The following FBXO21 variants were observed in gnomAD, a reference collection of about 807,000 sequenced individuals.
FBXO21 encodes the protein F-box only protein 21.
Under a neutral mutation model 76.6 loss-of-function variants are expected in FBXO21, and 32 were observed. The ratio of observed to expected loss-of-function variants is 0.42; its 90% CI spans 0.32 to 0.56. The LOEUF is 0.56. Among genes scored for constraint, FBXO21 ranks in the 20% least tolerant of loss-of-function variants. The pLI is 0.16. For synonymous variants in FBXO21, 328 were observed against 311.5 expected (o/e 1.05, Z -0.56); for missense variants, 586 against 797.3 (o/e 0.73, Z 3.19).
chr12:117,184,617 G>A (rs954632782), intron 3 of FBXO21, among the ~76,000 whole-genome samples: 2 of 152,288 alleles, frequency 1.3e-5, no homozygotes, highest in Admixed American at 6.5e-5. Context: ...GCTGGGTGTG[G>A]TGGTGGGCAC....
At chr12:117,147,535 T>G (rs1021804412) in intron 11 of FBXO21, among the ~76,000 whole-genome samples, 1 of 142,244 alleles carries the variant, frequency 7.0e-6, no homozygotes. Context: ...GAGGCGGAGG[T>G]TGCAGTGAGC....
chr12:117,163,104 C>G lies in FBXO21; in HGVS notation c.1326+2381G>C, dbSNP rs74807790. On this transcript the variant is annotated intron_variant, in intron 9 of 11. Transcript: ENST00000622495. ...CATGCGCTGGCAATGAGCCACTTTT[C>G]TCCCCTAATCTCTGAATGAGGGGTC... 0.01 allele frequency among the ~76,000 whole-genome samples: 1,572 copies of G among 152,330 alleles called. 137 individuals are homozygous for G. The East Asian group carries it at 0.24, about 23-fold the overall frequency.
chr12:117,174,065 AGTTTGAGGTTGCGGT>A, intron 6 of FBXO21, 125 bp downstream of exon 6: 1 of 670,714 alleles, frequency 1.5e-6, no homozygotes, highest in Non-Finnish European at 2.6e-6. Context: ...TGAGCCCAGG[AGTTTGAGGTTGCGGT>A]AAGCTATGAT....
At chr12:117,157,694 C>T (rs1341465107) in intron 10 of FBXO21, among the ~76,000 whole-genome samples, 179 bp downstream of exon 10, 1 of 151,420 alleles carries the variant, frequency 6.6e-6, no homozygotes, top group African/African-American at 2.4e-5. Flanking sequence ...GTCAAAGACA[C>T]GGTTCAAAAA....
chr12:117,161,578 G>C (rs1417184461), intron 9 of FBXO21, among the ~76,000 whole-genome samples: 1 of 152,200 alleles, frequency 6.6e-6, no homozygotes, highest in Non-Finnish European at 1.5e-5. Flanking sequence ...CCAGGGCACT[G>C]CTTCGGGCTG....
In FBXO21 at chr12:117,143,483, C is replaced by G. The variant is rs934808245; in HGVS notation, c.*2604G>C. The G allele has an allele frequency of 2.6e-5, 4 of 152,224 alleles. No individual in the cohort carries two copies. Among genetic ancestry groups the G allele is most frequent in the Admixed American group, 1.3e-4 (2 of 15,290 alleles). 9.4% of individuals were successfully genotyped at this position (152,224 alleles called of 1,614,324 possible). A position where few individuals can be genotyped will look rare whatever the true frequency, so the allele number is the denominator to read the frequency against. Reference sequence around the variant, plus strand: ...AACGGCAACAGAACGCACGAAGAACCTGGTTTTCTTTCAAAGCATGAGCAG... The same window carrying G: ...AACGGCAACAGAACGCACGAAGAACGTGGTTTTCTTTCAAAGCATGAGCAG... On this transcript the variant is annotated 3_prime_UTR_variant, in exon 12 of 12. Transcript: ENST00000622495.
At chr12:117,148,245 G>A (rs962044190) in intron 11 of FBXO21, among the ~76,000 whole-genome samples, 9 of 152,200 alleles carry the variant, frequency 5.9e-5, no homozygotes, top group African/African-American at 2.2e-4. Flanking sequence ...TGTGACCAGG[G>A]ACAGAACTGC....
chr12:117,156,018 C>T, intron 10 of FBXO21, 70 bp from the exon 11 acceptor site: 2 of 1,464,634 alleles, frequency 1.4e-6, no homozygotes, highest in Non-Finnish European at 1.9e-6. Context: ...AACCGCGTGG[C>T]TTCTCAGCTC....
chr12:117,184,908 C>A (rs1368975900), intron 3 of FBXO21, among the ~76,000 whole-genome samples: 1 of 152,068 alleles, frequency 6.6e-6, no homozygotes, highest in Admixed American at 6.6e-5. Flanking sequence ...ATTATGTGAT[C>A]CCAATTTTGT....
chr12:117,164,625 A>G (rs1391592322), intron 9 of FBXO21, among the ~76,000 whole-genome samples: 3 of 152,106 alleles, frequency 2.0e-5, no homozygotes, highest in African/African-American at 7.2e-5. Flanking sequence ...CTGATGCATC[A>G]TTTCTTAGAA....
chr12:117,177,012 A>G (rs1956182399), intron 4 of FBXO21, among the ~76,000 whole-genome samples: 2 of 152,222 alleles, frequency 1.3e-5, no homozygotes, highest in Admixed American at 1.3e-4. Context: ...TCAACTTAAT[A>G]AGAACAAAAA....
At position 117,142,886 on chromosome 12, in the gene FBXO21, T is replaced by C. The variant is rs1429375276; in HGVS notation, c.*3201A>G. On this transcript the variant is annotated 3_prime_UTR_variant, in exon 12 of 12. Coordinates refer to ENST00000622495, the MANE Select transcript of FBXO21 (RefSeq NM_015002.3). ...GCTCAGTTTTCTCCGTGGGGAAAGATCGGAACACTTACAAATGAGAACGGG... is the reference window on the plus strand; with the variant it reads ...GCTCAGTTTTCTCCGTGGGGAAAGACCGGAACACTTACAAATGAGAACGGG... The C allele has an allele frequency of 6.6e-6, 1 of 152,064 alleles. No individual in the cohort carries two copies. The highest frequency in any genetic ancestry group is 1.5e-5 in the Non-Finnish European group (1 of 68,018). 9.4% of individuals were successfully genotyped at this position (152,064 alleles called of 1,614,324 possible).
intron 11 of FBXO21, among the ~76,000 whole-genome samples, chr12:117,147,085 T>C (rs1440386204): frequency 6.7e-6 from 1 of 150,152 alleles, no homozygotes; most frequent in African/African-American, 2.5e-5. Flanking sequence ...CTACTAAAAA[T>C]ACAAAAACTA....
At position 117,166,890 on chromosome 12, in the gene FBXO21, A is replaced by C. The variant is rs749418213; in HGVS notation, c.1193+8T>G. 9 of 1,613,474 alleles carry C rather than the reference A, an allele frequency of 5.6e-6. No individual in the cohort carries two copies. Among genetic ancestry groups the C allele is most frequent in the Non-Finnish European group, 7.6e-6 (9 of 1,179,472 alleles). On this transcript the variant is annotated splice_region_variant and intron_variant, in intron 8 of 11. Coordinates refer to ENST00000622495, the MANE Select transcript of FBXO21 (RefSeq NM_015002.3). ...TGCAGAAGTACTAGAAAACCAAGAA[A>C]ACCTTACCGCTTCCCCAGGCTTAAC...
intron 9 of FBXO21, among the ~76,000 whole-genome samples, chr12:117,164,835 G>C (rs1457669675): frequency 6.6e-6 from 1 of 152,296 alleles, no homozygotes; most frequent in East Asian, 1.9e-4. Flanking sequence ...CATATTTCCA[G>C]AGAAGGGCCA....
chr12:117,146,296 A>G lies in FBXO21; in HGVS notation c.1676-19T>C. On this transcript the variant is annotated intron_variant, in intron 11 of 11. Coordinates refer to ENST00000622495, the MANE Select transcript of FBXO21 (RefSeq NM_015002.3). The stretch of plus-strand genomic sequence containing the variant: ...AAGTTTTCTGTTGGTAAAGAGGCAC[A>G]CGGGCATTCTCATTACAATGTCCAT... The G allele has an allele frequency of 6.3e-7, 1 of 1,585,776 alleles. No individual in the cohort carries two copies. Among genetic ancestry groups the G allele is most frequent in the Non-Finnish European group, 8.6e-7 (1 of 1,165,384 alleles).
chr12:117,187,196 G>A (rs954042252), intron 2 of FBXO21, among the ~76,000 whole-genome samples: 6 of 149,566 alleles, frequency 4.0e-5, no homozygotes, highest in Admixed American at 2.0e-4. Context: ...TGAGGTGGGC[G>A]GATCACCTGA....
intron 7 of FBXO21, among the ~76,000 whole-genome samples, chr12:117,168,551 A>T (rs182993440): frequency 4.8e-4 from 73 of 152,112 alleles, no homozygotes; most frequent in Non-Finnish European, 1.3e-4. Context: ...TAAAATAAAT[A>T]AACCTATGAG....
At position 117,190,438 on chromosome 12, in the gene FBXO21, C is replaced by A. The variant is rs934834406; in HGVS notation, c.19G>T (p.Asp7Tyr). 2 of 1,394,974 alleles carry A rather than the reference C, an allele frequency of 1.4e-6. No individual in the cohort carries two copies. The highest frequency in any genetic ancestry group is 1.3e-5 in the South Asian group (1 of 75,502). 86.4% of individuals were successfully genotyped at this position (1,394,974 alleles called of 1,614,324 possible). The stretch of plus-strand genomic sequence containing the variant: ...GCCGGCACCACCTCCATCGCGCTGT[C>A]GACTGCTGCCGCCGCCATCTTGTCC... MAAAAVDSAMEVVPALA... is the reference protein window; with the variant it reads MAAAAVYSAMEVVPALA... Residue 7 changes from aspartate to tyrosine, a missense_variant, in exon 1 of 12, where the codon GAC (aspartate) becomes TAC (tyrosine). Asp to Tyr is a radical substitution (Grantham distance 160). Transcript: ENST00000622495.
Sources: gnomAD v4.1 joint callset for allele counts (sites outside exome capture counted in the v4.1 genomes callset) on GRCh38, gnomAD v4.1.1 for gene constraint, MANE v1.5 for transcripts, NCBI Gene and HGNC (gene_info 2026-07-23, HGNC 2026-07-21) for gene names.